PDZD4: variants seen among roughly 807,000 people sequenced by gnomAD.
PDZD4 encodes the protein PDZ domain containing 4.
PDZD4 carries 9 observed loss-of-function variants against 38.5 expected under a neutral mutation model. The observed-to-expected ratio is 0.23, with a 90% CI of 0.14 to 0.41. The LOEUF (loss-of-function observed/expected upper bound fraction) is 0.41, where lower values mean the gene tolerates loss of function less well. Among genes scored for constraint, PDZD4 ranks in the 10% least tolerant of loss-of-function variants. The pLI is 1.00. For missense variants in PDZD4, 612 were observed against 722.0 expected, an observed-to-expected ratio of 0.85 and a Z score of 1.75; for synonymous variants, 349 against 315.7, an observed-to-expected ratio of 1.11 and a Z score of -1.12.
intron 3 of PDZD4, among the ~76,000 whole-genome samples, 190 bp from the exon 4 acceptor site, chrX:153,807,030 G>A (rs782281170): frequency 4.5e-5 from 5 of 112,221 alleles, no homozygotes; most frequent in Non-Finnish European, 9.4e-5. Flanking sequence ...CCCACGTGGC[G>A]CACGTACTCA....
intron 1 of PDZD4, among the ~76,000 whole-genome samples, chrX:153,824,240 A>G (rs2064456955): frequency 1.8e-5 from 2 of 111,095 alleles, no homozygotes; most frequent in African/African-American, 6.5e-5. Flanking sequence ...GAGAGGGGAA[A>G]GGGCATTCTA....
At chrX:153,829,991 C>T in intron 1 of PDZD4, 1 of 734,967 alleles carries the variant, frequency 1.4e-6, no homozygotes, top group Non-Finnish European at 1.8e-6. Context: ...ATCCCGCGCC[C>T]GCCGCACCGC....
At position 153,809,519 on chromosome X, in the gene PDZD4, G is replaced by A. The variant is rs782474615; in HGVS notation, c.61-924C>T. ...GGAAAATGGCATGAACCCAGGAGGC[G>A]GAGCTTGCAGTGAGCCGAGATCGCA... On this transcript the variant is annotated intron_variant, in intron 1 of 7. Coordinates refer to ENST00000393758, the MANE Select transcript of PDZD4 (RefSeq NM_001303512.2). Among the ~76,000 whole-genome samples, 3 of 112,472 alleles carry A rather than the reference G, an allele frequency of 2.7e-5. No homozygotes were observed. The Admixed American group carries it at 2.8e-4, about 11-fold the overall frequency.
intron 6 of PDZD4, 93 bp downstream of exon 6, chrX:153,805,409 GGTC>G: frequency 3.0e-6 from 1 of 331,712 alleles, no homozygotes; most frequent in East Asian, 9.5e-5. Flanking sequence ...ATCAACTCCA[GGTC>G]GTTGGCACAT....
At chrX:153,805,289 G>T in intron 6 of PDZD4, 82 bp from the exon 7 acceptor site, 1 of 918,055 alleles carries the variant, frequency 1.1e-6, no homozygotes, top group Non-Finnish European at 1.6e-6. Context: ...CCCCGCACTT[G>T]GCTTGTTTCG....
At chrX:153,811,627 A>G (rs1033874924) in intron 1 of PDZD4, among the ~76,000 whole-genome samples, 1 of 112,681 alleles carries the variant, frequency 8.9e-6, no homozygotes, top group Non-Finnish European at 1.9e-5. Flanking sequence ...TACATTTTTC[A>G]TACTTAAATC....
At chrX:153,818,933 G>A (rs1220298588) in intron 1 of PDZD4, among the ~76,000 whole-genome samples, 1 of 112,389 alleles carries the variant, frequency 8.9e-6, no homozygotes, top group African/African-American at 3.2e-5. Flanking sequence ...GGCGAGGCAG[G>A]CATGACGCGA....
Position 153,803,813 on chromosome X carries a change from G to A in PDZD4, c.1868C>T (p.Thr623Ile). ...TTTCCACTCCATGCGCGGTGCTTCA[G>A]TGGCCGCGGCCGCCACCCCGCCCAC... Reference protein sequence around the residue: ...PRVGGVAAAATEAPRMEWKVK... With the variant: ...PRVGGVAAAAIEAPRMEWKVK... Residue 623 changes from threonine (T) to isoleucine (I), a missense_variant, in exon 8 of 8, where the codon ACT (threonine) becomes ATT (isoleucine). Physicochemically the swap from Thr to Ile is moderately conservative, Grantham distance 89. This residue lies in a region of PDZD4 where 300 missense variants were observed against 284.6 expected (regional missense o/e 1.05). Coordinates refer to ENST00000393758, the MANE Select transcript of PDZD4 (RefSeq NM_001303512.2). 8.3e-7 allele frequency: 1 copy of A among 1,199,927 alleles called. No homozygotes were observed. Among genetic ancestry groups the A allele is most frequent in the Non-Finnish European group, 1.1e-6 (1 of 891,254 alleles).
intron 1 of PDZD4, among the ~76,000 whole-genome samples, chrX:153,816,094 C>T (rs991772056): frequency 3.0e-5 from 3 of 99,134 alleles, no homozygotes; most frequent in Admixed American, 1.1e-4. Flanking sequence ...CGGCCTGCAG[C>T]CCAAGGCAGG....
At chrX:153,825,184 T>C (rs2064467893) in intron 1 of PDZD4, among the ~76,000 whole-genome samples, 1 of 112,277 alleles carries the variant, frequency 8.9e-6, no homozygotes, top group Admixed American at 9.4e-5. Flanking sequence ...TCCTTTGGCC[T>C]CCCTCGATGT....
At chrX:153,811,141 TG>T (rs1280560173) in intron 1 of PDZD4, among the ~76,000 whole-genome samples, 1 of 105,262 alleles carries the variant, frequency 9.5e-6, no homozygotes, top group African/African-American at 3.5e-5. Context: ...ACCCAGCTGT[TG>T]TTTTTTTTTT....
chrX:153,816,314 A>C (rs782616145), intron 1 of PDZD4, among the ~76,000 whole-genome samples: 1 of 109,032 alleles, frequency 9.2e-6, no homozygotes, highest in Admixed American at 9.5e-5. Flanking sequence ...AGACCTTTCC[A>C]ACAATCAGGT....
At chrX:153,811,407 G>A (rs2097011469) in intron 1 of PDZD4, among the ~76,000 whole-genome samples, 1 of 112,281 alleles carries the variant, frequency 8.9e-6, no homozygotes, top group South Asian at 3.6e-4. Context: ...AAAGTGCTGG[G>A]ATTATAGGCA....
chrX:153,810,125 G>T (rs1411907960), intron 1 of PDZD4, among the ~76,000 whole-genome samples: 1 of 112,880 alleles, frequency 8.9e-6, no homozygotes, highest in African/African-American at 3.2e-5. Flanking sequence ...GGCCAGCAAG[G>T]GTCAGCAGGA....
chrX:153,829,818 G>C, intron 1 of PDZD4: 1 of 766,986 alleles, frequency 1.3e-6, no homozygotes. Context: ...CCCCCGGACG[G>C]ACTTGGACCG....
Position 153,808,604 on chromosome X carries a change from G to A in PDZD4, c.61-9C>T. On this transcript the variant is annotated splice_polypyrimidine_tract_variant and intron_variant, in intron 1 of 7. Transcript: ENST00000393758. ...AGCTCCTTCCCGTTCACCTGCGGCA[G>A]AGACACGCCTCCGTAAGAACCCTCA... is the stretch of plus-strand genomic sequence containing the variant. 8.7e-7 allele frequency: 1 copy of A among 1,149,396 alleles called. No individual in the cohort carries two copies. The highest frequency in any genetic ancestry group is 2.1e-5 in the South Asian group (1 of 47,570). The allele number at this position is 1,149,396 out of a possible 1,213,427, so 94.7% of individuals were successfully genotyped here. A position where few individuals can be genotyped will look rare whatever the true frequency, so the allele number is the denominator to read the frequency against.
chrX:153,822,909 T>C (rs1418338784), intron 1 of PDZD4, among the ~76,000 whole-genome samples: 1 of 110,462 alleles, frequency 9.1e-6, no homozygotes, highest in Non-Finnish European at 1.9e-5. Flanking sequence ...AATATTGTAC[T>C]ACATCACACT....
chrX:153,830,356 C>A lies in PDZD4; in HGVS notation c.-58G>T, dbSNP rs2064530071. On this transcript the variant is annotated 5_prime_UTR_variant, in exon 1 of 8. Transcript: ENST00000393758. ...GAACGGGAAGACGCCTTTCACTGACCCGGGCGCGGGACCTCGGGTCCCGGG... is the reference window on the plus strand; with the variant it reads ...GAACGGGAAGACGCCTTTCACTGACACGGGCGCGGGACCTCGGGTCCCGGG... The A allele has an allele frequency of 8.9e-7, 1 of 1,125,767 alleles. No individual in the cohort carries two copies. Among genetic ancestry groups the A allele is most frequent in the Admixed American group, 2.3e-5 (1 of 44,388 alleles). 92.8% of individuals were successfully genotyped at this position (1,125,767 alleles called of 1,213,427 possible).
intron 7 of PDZD4, 32 bp from the exon 8 acceptor site, chrX:153,804,932 G>T: frequency 8.5e-7 from 1 of 1,177,392 alleles, no homozygotes; most frequent in Non-Finnish European, 1.1e-6. Context: ...CGCTCAGTTA[G>T]GTCCCACGGA....
Sources: gnomAD v4.1 joint callset for allele counts (sites outside exome capture counted in the v4.1 genomes callset) on GRCh38, gnomAD v4.1.1 for gene constraint, gnomAD v4.1.1 regional missense constraint, MANE v1.5 for transcripts, NCBI Gene and HGNC (gene_info 2026-07-23, HGNC 2026-07-21) for gene names.